GDPD5: variants seen among roughly 807,000 people sequenced by gnomAD.
GDPD5 encodes the protein glycerophosphodiester phosphodiesterase 2.
In GDPD5, 48 loss-of-function variants were observed where a neutral mutation model predicts 75.1. That is an observed-to-expected ratio of 0.64 (90% confidence interval 0.51 to 0.81). GDPD5 has a LOEUF of 0.81. GDPD5 is among the 40% of genes least tolerant of loss of function. GDPD5 has a pLI of 0.00. For missense variants in GDPD5, 706 were observed against 822.6 expected (o/e 0.86, Z 1.73); for synonymous variants, 336 against 339.0 (o/e 0.99, Z 0.10).
At chr11:75,457,926 C>T (rs1419271734) in intron 4 of GDPD5, 140 bp from the exon 5 acceptor site, 4 of 623,318 alleles carry the variant, frequency 6.4e-6, no homozygotes, top group South Asian at 2.0e-5. Flanking sequence ...TAAGGCTCAG[C>T]GTCTGCCTGA....
intron 1 of GDPD5, among the ~76,000 whole-genome samples, chr11:75,511,665 G>T (rs988972261): frequency 6.6e-6 from 1 of 152,158 alleles, no homozygotes; most frequent in African/African-American, 2.4e-5. Flanking sequence ...CCCAGCCAGG[G>T]CCATGCTTCC....
intron 1 of GDPD5, among the ~76,000 whole-genome samples, chr11:75,516,678 C>T (rs1466507188): frequency 6.6e-6 from 1 of 152,204 alleles, no homozygotes; most frequent in Non-Finnish European, 1.5e-5. Context: ...GCACCAACAG[C>T]TCTTGAGTGC....
chr11:75,444,617 C>T (rs1948941513), intron 9 of GDPD5, 122 bp from the exon 10 acceptor site: 1 of 724,078 alleles, frequency 1.4e-6, no homozygotes, highest in Non-Finnish European at 2.4e-6. Context: ...GGCCCCTCCA[C>T]AGAGTAGCTG....
At chr11:75,466,416 C>T (rs1235569862) in intron 3 of GDPD5, among the ~76,000 whole-genome samples, 2 of 152,086 alleles carry the variant, frequency 1.3e-5, no homozygotes, top group East Asian at 1.9e-4. Flanking sequence ...GGAGCAGCTC[C>T]ACTGATAAAG....
At chr11:75,455,724 T>TG (rs910268177) in intron 6 of GDPD5, among the ~76,000 whole-genome samples, 9 of 152,172 alleles carry the variant, frequency 5.9e-5, no homozygotes, top group African/African-American at 2.2e-4. Context: ...CAGATGTTCC[T>TG]GGGAGGGAGG....
chr11:75,507,715 A>G (rs1360238745), intron 1 of GDPD5, among the ~76,000 whole-genome samples: 2 of 152,230 alleles, frequency 1.3e-5, no homozygotes, highest in Non-Finnish European at 2.9e-5. Flanking sequence ...GAGCACACAC[A>G]TGGTCTGGAG....
chr11:75,482,217 C>T (rs895325130), intron 2 of GDPD5, among the ~76,000 whole-genome samples: 4 of 152,142 alleles, frequency 2.6e-5, no homozygotes, highest in Non-Finnish European at 4.4e-5. Context: ...CGTCATGCCT[C>T]GGCCCAGAAC....
intron 14 of GDPD5, among the ~76,000 whole-genome samples, chr11:75,440,535 C>T (rs138468969): frequency 6.6e-6 from 1 of 152,278 alleles, no homozygotes; most frequent in African/African-American, 2.4e-5. Flanking sequence ...ATTTGCTGTT[C>T]TCTGAGCAGA....
At chr11:75,437,363 A>G in intron 15 of GDPD5, 1 of 343,368 alleles carries the variant, frequency 2.9e-6, no homozygotes, top group Non-Finnish European at 5.3e-6. Context: ...TGAATGGGAC[A>G]GATTTGGGAG....
chr11:75,483,861 C>T (rs546698271), intron 2 of GDPD5, among the ~76,000 whole-genome samples: 1 of 152,234 alleles, frequency 6.6e-6, no homozygotes, highest in South Asian at 2.1e-4. Flanking sequence ...GGAGTGACTG[C>T]TAATAGGTGT....
chr11:75,436,975 G>C lies in GDPD5; in HGVS notation c.1630C>G (p.Arg544Gly). The C allele has an allele frequency of 6.2e-7, 1 of 1,613,522 alleles. No homozygotes were observed. Among genetic ancestry groups the C allele is most frequent in the Middle Eastern group, 1.6e-4 (1 of 6,062 alleles). The change falls in exon 16 of 17, where the codon CGG (arginine) becomes GGG (glycine). Residue 544 changes from arginine to glycine, a missense_variant. Arg to Gly is a moderately radical substitution (Grantham distance 125). Transcript: ENST00000336898. Reference protein sequence around the residue: ...MLSAAVRRTSRDVSIMKEKLI... With the variant: ...MLSAAVRRTSGDVSIMKEKLI... ...TTCTCCTTCATGATGCTGACGTCCC[G>C]GCTGGTCCGGCGCACCGCAGCACTC...
At chr11:75,475,909 A>G (rs1949768311) in intron 3 of GDPD5, among the ~76,000 whole-genome samples, 1 of 152,188 alleles carries the variant, frequency 6.6e-6, no homozygotes, top group Admixed American at 6.5e-5. Flanking sequence ...AACCAGCCTC[A>G]GCCCACTTCC....
chr11:75,503,546 CA>C lies in GDPD5; in HGVS notation c.-144-13227del, dbSNP rs1389665389. 2.0e-5 allele frequency among the ~76,000 whole-genome samples: 3 copies of C among 152,342 alleles called. No homozygotes were observed. The East Asian group carries it at 5.8e-4, about 29-fold the overall frequency. On this transcript the variant is annotated intron_variant, in intron 1 of 16. Transcript: ENST00000336898. ...GAATCCACACTATTCACTGCTATGC[CA>C]TACTGACTGCCTGCAAGGTCTGATT...
At chr11:75,447,158 C>T (rs555079081) in intron 9 of GDPD5, among the ~76,000 whole-genome samples, 16 of 152,292 alleles carry the variant, frequency 1.1e-4, no homozygotes, top group Admixed American at 4.6e-4. Flanking sequence ...GCTGGGATTA[C>T]AAGCATGAGC....
intron 3 of GDPD5, among the ~76,000 whole-genome samples, chr11:75,469,842 C>A (rs1001577399): frequency 1.3e-5 from 2 of 152,192 alleles, no homozygotes; most frequent in Admixed American, 6.5e-5. Context: ...TGTAATTAGA[C>A]CCCTGCCTCA....
intron 6 of GDPD5, 73 bp from the exon 7 acceptor site, chr11:75,450,056 C>T (rs1017189997): frequency 1.7e-5 from 21 of 1,255,660 alleles, no homozygotes; most frequent in Non-Finnish European, 2.2e-5. Flanking sequence ...GAGAGAGGAG[C>T]CAGAGGGAGA....
chr11:75,458,324 G>GT (rs1228363289), intron 4 of GDPD5, among the ~76,000 whole-genome samples: 1 of 152,238 alleles, frequency 6.6e-6, no homozygotes, highest in Non-Finnish European at 1.5e-5. Flanking sequence ...TTGATCGAAT[G>GT]TAATACTTGA....
At chr11:75,491,836 C>T (rs1006293035) in intron 1 of GDPD5, among the ~76,000 whole-genome samples, 2 of 152,152 alleles carry the variant, frequency 1.3e-5, no homozygotes, top group African/African-American at 2.4e-5. Context: ...AGTGAACACA[C>T]TCAGCAAGGC....
chr11:75,512,467 C>T (rs151332777), intron 1 of GDPD5, among the ~76,000 whole-genome samples: 249 of 152,252 alleles, frequency 1.6e-3, no homozygotes, highest in African/African-American at 5.5e-3. Context: ...GGTCAAGCCG[C>T]GTCGGCATTC....
Sources: allele counts gnomAD v4.1 joint callset (sites outside exome capture counted in the v4.1 genomes callset), GRCh38; gene constraint gnomAD v4.1.1; transcripts MANE v1.5; gene names NCBI Gene and HGNC (gene_info 2026-07-23, HGNC 2026-07-21).